The following MSH4 variants were observed in gnomAD, a reference collection of about 807,000 sequenced individuals.
MSH4 encodes mutS homolog 4.
MSH4 carries 106 observed loss-of-function variants against 113.7 expected under a neutral mutation model. The ratio of observed to expected loss-of-function variants is 0.93; its 90% CI spans 0.80 to 1.10. The LOEUF (loss-of-function observed/expected upper bound fraction) is 1.10. Among genes scored for constraint, MSH4 ranks in the 50% least tolerant of loss-of-function variants. The pLI is 0.00. For synonymous variants in MSH4, 368 were observed against 380.2 expected (o/e 0.97, Z 0.37); for missense variants, 1,061 against 1,093.7 (o/e 0.97, Z 0.42).
intron 15 of MSH4, among the ~76,000 whole-genome samples, chr1:75,886,963 A>G (rs1169997145): frequency 2.0e-5 from 3 of 151,124 alleles, no homozygotes; most frequent in Non-Finnish European, 4.4e-5. Flanking sequence ...CTGTTTATTT[A>G]CCCTAACACA....
intron 9 of MSH4, among the ~76,000 whole-genome samples, chr1:75,875,456 G>C (rs545713436): frequency 1.3e-5 from 2 of 152,016 alleles, no homozygotes; most frequent in South Asian, 4.1e-4. Flanking sequence ...AACAGAACAA[G>C]AAATCATGTC....
At chr1:75,888,893 CTTTTTT>C (rs74683108) in intron 15 of MSH4, among the ~76,000 whole-genome samples, 1 of 132,982 alleles carries the variant, frequency 7.5e-6, no homozygotes, top group Admixed American at 7.9e-5. Context: ...GGTAGGGCAA[CTTTTTT>C]TTTTTTTTTT....
intron 19 of MSH4, among the ~76,000 whole-genome samples, chr1:75,904,947 T>C (rs1212384490): frequency 6.6e-6 from 1 of 152,028 alleles, no homozygotes; most frequent in Admixed American, 6.6e-5. Context: ...TTATGTCTCC[T>C]TTTTCATTTC....
intron 1 of MSH4, among the ~76,000 whole-genome samples, chr1:75,798,385 G>T (rs1198048392): frequency 5.3e-5 from 8 of 152,028 alleles, no homozygotes; most frequent in Admixed American, 5.2e-4. Context: ...CCCAAATTAT[G>T]GGCATGTCAT....
chr1:75,912,861 C>T lies in MSH4; in HGVS notation c.2785C>T (p.Gln929Ter), dbSNP rs754750089. ...KYKEDFPRTE[Q>*]VPEKTEE ...CAAAGAAGATTTTCCCAGGACTGAA[C>T]AAGTTCCAGAAAAGACTGAAGAATA... Residue 929 changes from glutamine to a stop codon, truncating the protein, a stop_gained, in exon 20 of 20, where the codon CAA (glutamine) becomes TAA (stop). Transcript: ENST00000263187. LOFTEE classifies it high-confidence loss of function. The T allele has an allele frequency of 1.3e-6, 2 of 1,539,840 alleles. No individual in the cohort carries two copies. Among genetic ancestry groups the T allele is most frequent in the African/African-American group, 1.4e-5 (1 of 71,138 alleles).
At chr1:75,840,344 A>T (rs1305723726) in intron 7 of MSH4, among the ~76,000 whole-genome samples, 24 of 146,300 alleles carry the variant, frequency 1.6e-4, no homozygotes. Context: ...CAGCCATAAA[A>T]AATGATGAGT....
intron 7 of MSH4, among the ~76,000 whole-genome samples, chr1:75,844,974 CAA>C (rs1178618442): frequency 3.3e-5 from 5 of 152,294 alleles, no homozygotes; most frequent in African/African-American, 1.2e-4. Flanking sequence ...AGCACACATA[CAA>C]GAGAGAGAGG....
intron 7 of MSH4, among the ~76,000 whole-genome samples, chr1:75,831,797 G>C (rs1472680003): frequency 6.6e-6 from 1 of 152,172 alleles, no homozygotes; most frequent in Non-Finnish European, 1.5e-5. Flanking sequence ...TGTGTAGAGG[G>C]AAGTTTATAG....
intron 7 of MSH4, among the ~76,000 whole-genome samples, chr1:75,832,418 C>T: frequency 6.6e-6 from 1 of 152,116 alleles, no homozygotes; most frequent in East Asian, 1.9e-4. Flanking sequence ...AGAGGGAATC[C>T]TCCCTAACTC....
intron 7 of MSH4, among the ~76,000 whole-genome samples, chr1:75,828,211 A>G (rs902522895): frequency 1.3e-5 from 2 of 152,186 alleles, no homozygotes; most frequent in Non-Finnish European, 2.9e-5. Flanking sequence ...TGTTCTTAGG[A>G]TTGTAAATTA....
intron 7 of MSH4, among the ~76,000 whole-genome samples, chr1:75,845,733 A>C (rs1347732700): frequency 6.6e-6 from 1 of 151,908 alleles, no homozygotes; most frequent in African/African-American, 2.4e-5. Flanking sequence ...GTAGGGGGTG[A>C]TTACCCACTC....
intron 14 of MSH4, among the ~76,000 whole-genome samples, chr1:75,881,611 T>G (rs1651934236): frequency 6.6e-6 from 1 of 151,906 alleles, no homozygotes; most frequent in South Asian, 2.1e-4. Context: ...AAACTAAAGA[T>G]TCCCCAAATA....
chr1:75,857,104 T>C (rs572979251), intron 8 of MSH4, among the ~76,000 whole-genome samples: 1 of 152,348 alleles, frequency 6.6e-6, no homozygotes, highest in Non-Finnish European at 1.5e-5. Context: ...AATTGTCTGT[T>C]CATATCCTTT....
chr1:75,832,772 GATGGA>G (rs1557501401), intron 7 of MSH4, among the ~76,000 whole-genome samples: 1 of 151,498 alleles, frequency 6.6e-6, no homozygotes, highest in African/African-American at 2.4e-5. Context: ...ACTAGATATT[GATGGA>G]ACGTATCTCA....
At chr1:75,871,413 T>C (rs1651710643) in intron 9 of MSH4, among the ~76,000 whole-genome samples, 1 of 152,178 alleles carries the variant, frequency 6.6e-6, no homozygotes, top group African/African-American at 2.4e-5. Context: ...TCATGTAATT[T>C]CATAGGAAAA....
chr1:75,874,026 A>G (rs529951550), intron 9 of MSH4, among the ~76,000 whole-genome samples: 4 of 152,288 alleles, frequency 2.6e-5, no homozygotes, highest in Non-Finnish European at 5.9e-5. Context: ...GAGCTAATTT[A>G]CATTCATACA....
intron 13 of MSH4, 25 bp from the exon 14 acceptor site, chr1:75,881,221 C>T: frequency 6.9e-7 from 1 of 1,440,490 alleles, no homozygotes; most frequent in South Asian, 1.2e-5. Flanking sequence ...AACATTATTA[C>T]ATGTCTTACC....
Position 75,881,255 on chromosome 1 carries a change from C to T in MSH4, c.1791C>T (p.Cys597=). Residue 597 remains cysteine (C), a synonymous_variant, in exon 14 of 20, where the codon TGC becomes TGT. Coordinates refer to ENST00000263187, the MANE Select transcript of MSH4 (RefSeq NM_002440.4). The part of the protein sequence containing the change: ...EIYHMTYMIV[C]KLLSEIYEHI... The stretch of plus-strand genomic sequence containing the variant: ...CCAAACGTGTTTTCAGGATAGTGTG[C>T]AAACTGCTTAGTGAGATTTATGAAC... The T allele has an allele frequency of 6.2e-7, 1 of 1,602,736 alleles. No individual in the cohort carries two copies. The highest frequency in any genetic ancestry group is 8.5e-7 in the Non-Finnish European group (1 of 1,172,170).
rs767713032 is a variant in MSH4 at position 75,878,283 on chromosome 1, G to A, written c.1505G>A (p.Arg502Lys). ...ATAAATGAATTTCTTGACATAGCAA[G>A]AAGAACATACACAGAGATTGTAGAT... is the stretch of plus-strand genomic sequence containing the variant. ...SNINEFLDIA[R>K]RTYTEIVDDI... The change falls in exon 11 of 20, where the codon AGA becomes AAA. Residue 502 changes from arginine (R) to lysine (K), a missense_variant. By Grantham distance (26) the Arg-to-Lys change is conservative (BLOSUM62 2). Transcript: ENST00000263187. The A allele has an allele frequency of 6.0e-5, 96 of 1,602,692 alleles. No individual in the cohort carries two copies. Among genetic ancestry groups the A allele is most frequent in the Non-Finnish European group, 7.7e-5 (91 of 1,177,324 alleles).
Sources: allele counts gnomAD v4.1 joint callset (sites outside exome capture counted in the v4.1 genomes callset), GRCh38; gene constraint gnomAD v4.1.1; transcripts MANE v1.5; gene names NCBI Gene and HGNC (gene_info 2026-07-23, HGNC 2026-07-21).